The following TMIGD2 variants were observed in gnomAD, a reference collection of about 807,000 sequenced individuals.
TMIGD2 encodes the protein transmembrane and immunoglobulin domain containing 2.
In TMIGD2, 18 loss-of-function variants were observed where a neutral mutation model predicts 22.6. The ratio of observed to expected loss-of-function variants is 0.80; its 90% CI spans 0.55 to 1.18. The LOEUF (loss-of-function observed/expected upper bound fraction) is 1.18, where lower values mean the gene tolerates loss of function less well. TMIGD2 is among the 50% of genes most tolerant of loss of function. The probability of loss-of-function intolerance (pLI) is 0.00; values close to 1 mark genes in which losing one functional copy is unlikely to be tolerated. For synonymous variants in TMIGD2, 184 were observed against 154.1 expected (o/e 1.19, Z -1.44); for missense variants, 361 against 378.2 (o/e 0.95, Z 0.38).
chr19:4,299,395 C>T (rs966375236), intron 1 of TMIGD2, among the ~76,000 whole-genome samples: 6 of 151,802 alleles, frequency 4.0e-5, no homozygotes, highest in African/African-American at 1.5e-4. Context: ...ATCCTCCCCG[C>T]TAACGCCTCC....
At chr19:4,292,381 G>A (rs183765076) in exon 5 of TMIGD2, 13 of 561,456 alleles carry the variant, frequency 2.3e-5, no homozygotes, top group African/African-American at 1.9e-4. Context: ...TCACTCTGTC[G>A]CCCAGGCTGG....
At chr19:4,292,958 C>G in intron 4 of TMIGD2, 73 bp from the exon 5 acceptor site, 1 of 1,547,844 alleles carries the variant, frequency 6.5e-7, no homozygotes, top group East Asian at 2.3e-5. Flanking sequence ...TCTGGGGGAT[C>G]TGTCTCTTTT....
At chr19:4,299,243 A>C (rs1030617815) in intron 1 of TMIGD2, among the ~76,000 whole-genome samples, 1 of 149,440 alleles carries the variant, frequency 6.7e-6, no homozygotes, top group African/African-American at 2.5e-5. Context: ...CTCCTGGGCT[A>C]AAGTAATCCT....
At chr19:4,292,614 T>A in exon 5 of TMIGD2, 4 of 1,613,220 alleles carry the variant, frequency 2.5e-6, no homozygotes, top group Non-Finnish European at 3.4e-6. Context: ...CCTCTCCCAC[T>A]TTGGGGAACC....
chr19:4,295,829 C>A (rs1375025155), intron 2 of TMIGD2, among the ~76,000 whole-genome samples: 2 of 152,164 alleles, frequency 1.3e-5, no homozygotes, highest in East Asian at 3.9e-4. Context: ...TTGGACAAAG[C>A]CCTGTCTCAC....
At position 4,292,901 on chromosome 19, in the gene TMIGD2, C is replaced by G. The variant is rs55767880; in HGVS notation, c.563-16G>C. The G allele has an allele frequency of 0.19, 306,136 of 1,612,278 alleles. 30,544 individuals are homozygous for G. Among genetic ancestry groups the G allele is most frequent in the Admixed American group, 0.27 (16,304 of 59,754 alleles). The stretch of plus-strand genomic sequence containing the variant: ...AATGCATTTCCTAGGATGGATGACA[C>G]AGACCAAGAGGATCACTTAAGAGAG... On this transcript the variant is annotated splice_polypyrimidine_tract_variant and intron_variant, in intron 4 of 4. Coordinates refer to ENST00000301272, the Ensembl canonical transcript of TMIGD2.
At chr19:4,296,572 C>T (rs1459455802) in intron 2 of TMIGD2, among the ~76,000 whole-genome samples, 1 of 152,206 alleles carries the variant, frequency 6.6e-6, no homozygotes, top group Non-Finnish European at 1.5e-5. Context: ...ACTCCCTGCT[C>T]TCTCACAGCT....
chr19:4,293,971 AGGCT>A (rs942826474), intron 4 of TMIGD2, among the ~76,000 whole-genome samples: 2 of 151,942 alleles, frequency 1.3e-5, no homozygotes, highest in African/African-American at 4.8e-5. Flanking sequence ...CATGTCGCCC[AGGCT>A]GGTCTCAAAC....
At chr19:4,294,128 C>T (rs547015477) in intron 4 of TMIGD2, among the ~76,000 whole-genome samples, 5 of 147,592 alleles carry the variant, frequency 3.4e-5, no homozygotes, top group South Asian at 2.2e-4. Context: ...AGTTCAGTGG[C>T]GCGATCTTGG....
At chr19:4,299,077 A>C (rs1266626904) in intron 1 of TMIGD2, among the ~76,000 whole-genome samples, 1 of 152,176 alleles carries the variant, frequency 6.6e-6, no homozygotes, top group African/African-American at 2.4e-5. Context: ...AGCAGACACC[A>C]GTGAGGTCAG....
At chr19:4,294,625 C>G (rs765518854) in exon 4 of TMIGD2, 1 of 1,609,532 alleles carries the variant, frequency 6.2e-7, no homozygotes, top group Non-Finnish European at 8.5e-7. Flanking sequence ...ACCAGGCACC[C>G]CACACGATCG....
intron 2 of TMIGD2, among the ~76,000 whole-genome samples, chr19:4,295,259 T>TAAAAAAAA (rs1971446569): frequency 3.7e-5 from 1 of 26,874 alleles, no homozygotes; most frequent in Non-Finnish European, 6.6e-5. Flanking sequence ...AGACTCTGCC[T>TAAAAAAAA]CAAAAAAAAA....
chr19:4,292,656 T>C (rs369334813), exon 5 of TMIGD2: 4 of 1,610,614 alleles, frequency 2.5e-6, no homozygotes, highest in African/African-American at 1.3e-5. Context: ...TGGGGCTTGG[T>C]CTAGGAGAGA....
chr19:4,292,911 G>A, intron 4 of TMIGD2, 26 bp from the exon 5 acceptor site: 4 of 1,612,334 alleles, frequency 2.5e-6, no homozygotes, highest in Non-Finnish European at 3.4e-6. Flanking sequence ...CAGACCAAGA[G>A]GATCACTTAA....
chr19:4,297,608 G>GC (rs1400872083), intron 2 of TMIGD2, among the ~76,000 whole-genome samples: 1 of 152,162 alleles, frequency 6.6e-6, no homozygotes, highest in Non-Finnish European at 1.5e-5. Flanking sequence ...TGTAATCCCA[G>GC]TACTTTGGGA....
chr19:4,299,181 A>G (rs1971502727), intron 1 of TMIGD2, among the ~76,000 whole-genome samples: 1 of 151,838 alleles, frequency 6.6e-6, no homozygotes, highest in Non-Finnish European at 1.5e-5. Context: ...GTCTGGCTCT[A>G]TAGTCCAGGC....
chr19:4,292,965 T>A, intron 4 of TMIGD2, 80 bp from the exon 5 acceptor site: 1 of 287,638 alleles, frequency 3.5e-6, no homozygotes, highest in Non-Finnish European at 4.5e-6. Context: ...GATCTGTCTC[T>A]TTTTTTTTTT....
intron 1 of TMIGD2, among the ~76,000 whole-genome samples, chr19:4,299,352 C>G (rs533277750): frequency 6.6e-6 from 1 of 152,034 alleles, no homozygotes; most frequent in East Asian, 1.9e-4. Flanking sequence ...CACTGTGTTG[C>G]CCAGGCTGGT....
intron 1 of TMIGD2, among the ~76,000 whole-genome samples, chr19:4,302,057 C>T (rs1385559508): frequency 6.6e-6 from 1 of 152,142 alleles, no homozygotes. Flanking sequence ...GAAAAGTCCC[C>T]AGGCTAGAGC....
Sources: gnomAD v4.1 joint callset for allele counts (sites outside exome capture counted in the v4.1 genomes callset) on GRCh38, gnomAD v4.1.1 for gene constraint, MANE v1.5 for transcripts, NCBI Gene and HGNC (gene_info 2026-07-23, HGNC 2026-07-21) for gene names.